SRSF8: variants seen among roughly 807,000 people sequenced by gnomAD.
SRSF8 encodes serine and arginine rich splicing factor 8.
SRSF8 carries 3 observed loss-of-function variants against 2.0 expected under a neutral mutation model. That is an observed-to-expected ratio of 1.47 (90% CI 0.67 to 3.79). SRSF8 has a LOEUF of 3.79. Among genes scored for constraint, SRSF8 ranks in the 30% most tolerant of loss-of-function variants. The probability of loss-of-function intolerance (pLI) is 0.02; values close to 1 mark genes in which losing one functional copy is unlikely to be tolerated. For missense variants in SRSF8, 408 were observed against 410.9 expected, an observed-to-expected ratio of 0.99 and a Z score of 0.06; for synonymous variants, 162 against 170.7, an observed-to-expected ratio of 0.95 and a Z score of 0.40.
rs10656146 is a variant in SRSF8, at chr11:95,070,381, A to AAAAAAAAAAAAAAAAAAAAAAAAAAAG, written c.*2309_*2310insAAAAAAAAAAAAAAAAAAAAAAAGAAA. 1 of 161,940 alleles carries AAAAAAAAAAAAAAAAAAAAAAAAAAAG rather than the reference A, an allele frequency of 6.2e-6. No individual in the cohort carries two copies. Among genetic ancestry groups the AAAAAAAAAAAAAAAAAAAAAAAAAAAG allele is most frequent in the African/African-American group, 2.5e-5 (1 of 40,736 alleles). The allele number at this position is 161,940 out of a possible 1,614,324, so 10.0% of individuals were successfully genotyped here. A position where few individuals can be genotyped will look rare whatever the true frequency, so the allele number is the denominator to read the frequency against. On this transcript the variant is annotated 3_prime_UTR_variant, in exon 1 of 1. Coordinates refer to ENST00000587424, the MANE Select transcript of SRSF8 (RefSeq NM_032102.4). ...AAAACTTCATCTCAAAAAAAAAAAAAAAAGAAAAAGGAAAAAAACAAACAA... is the reference window on the plus strand; with the variant it reads ...AAAACTTCATCTCAAAAAAAAAAAAAAAAAAAAAAAAAAAAAAAAAAAAAAAGAAAGAAAAAGGAAAAAAACAAACAA...
In SRSF8 at chr11:95,067,818, T is replaced by G. The variant is rs1555107195; in HGVS notation, c.592T>G (p.Ser198Ala). 1 of 1,613,964 alleles carries G rather than the reference T, an allele frequency of 6.2e-7. No individual in the cohort carries two copies. The highest frequency in any genetic ancestry group is 1.1e-5 in the South Asian group (1 of 91,078). ...SHYSSSGYSN[S>A]RYSRYHSSRS... ...CTACAGCTCATCTGGTTACAGTAAC[T>G]CTCGCTACAGCCGATATCACAGCAG... Residue 198 changes from serine to alanine, a missense_variant, in exon 1 of 1, where the codon TCT (serine) becomes GCT (alanine). Ser to Ala is a moderately conservative substitution (Grantham distance 99). Coordinates refer to ENST00000587424, the MANE Select transcript of SRSF8 (RefSeq NM_032102.4).
In SRSF8 at chr11:95,069,858, A is replaced by T. The variant is rs2074273690; in HGVS notation, c.*1783A>T. The stretch of plus-strand genomic sequence containing the variant: ...ATCGTAGTAGCCCCTCGCGTCCAGC[A>T]GGTGGCGAAGGGAGGTGAGGTATAT... On this transcript the variant is annotated 3_prime_UTR_variant, in exon 1 of 1. Transcript: ENST00000587424. 1 of 167,116 alleles carries T rather than the reference A, an allele frequency of 6.0e-6. No homozygotes were observed. Among genetic ancestry groups the T allele is most frequent in the African/African-American group, 2.4e-5 (1 of 41,458 alleles). The allele number at this position is 167,116 out of a possible 1,614,324, so 10.4% of individuals were successfully genotyped here.
At position 95,068,573 on chromosome 11, in the gene SRSF8, A is replaced by G. The variant is rs915942010; in HGVS notation, c.*498A>G. On this transcript the variant is annotated 3_prime_UTR_variant, in exon 1 of 1. Coordinates refer to ENST00000587424, the MANE Select transcript of SRSF8 (RefSeq NM_032102.4). ...AGGTCTAAAAGGTAGTGTGACCCAA[A>G]TTTGTATAAAGATTTTTCATGTGAA... 5.8e-6 allele frequency: 1 copy of G among 173,428 alleles called. No homozygotes were observed. Among genetic ancestry groups the G allele is most frequent in the Non-Finnish European group, 1.4e-5 (1 of 71,358 alleles). 10.7% of individuals were successfully genotyped at this position (173,428 alleles called of 1,614,324 possible).
Position 95,068,034 on chromosome 11 carries a change from C to A in SRSF8, c.808C>A (p.Pro270Thr). The change falls in exon 1 of 1, where the codon CCC becomes ACC. Residue 270 changes from proline to threonine, a missense_variant. Pro to Thr is a conservative substitution (Grantham distance 38). Coordinates refer to ENST00000587424, the MANE Select transcript of SRSF8 (RefSeq NM_032102.4). ...KSKSRSRSKR[P>T]PKSPEEEGQM... Reference sequence around the variant, plus strand: ...CAAGTCAAGGTCGCGATCCAAGAGGCCCCCCAAGTCTCCTGAAGAGGAAGG... The same window carrying A: ...CAAGTCAAGGTCGCGATCCAAGAGGACCCCCAAGTCTCCTGAAGAGGAAGG... 6.2e-7 allele frequency: 1 copy of A among 1,613,420 alleles called. No individual in the cohort carries two copies.
In SRSF8 at chr11:95,067,057, A is replaced by G. The variant is rs1282791567; in HGVS notation, c.-170A>G. The stretch of plus-strand genomic sequence containing the variant: ...TGGAGTATTTGGCCTGAAATTGGGA[A>G]CTCGGAAGTTGCTGCTCCAGGGCGC... On this transcript the variant is annotated 5_prime_UTR_variant, in exon 1 of 1. Transcript: ENST00000587424. The G allele has an allele frequency of 7.2e-6, 4 of 552,762 alleles. No homozygotes were observed. Among genetic ancestry groups the G allele is most frequent in the African/African-American group, 2.0e-5 (1 of 50,088 alleles). 34.2% of individuals were successfully genotyped at this position (552,762 alleles called of 1,614,324 possible).
chr11:95,067,567 A>G lies in SRSF8; in HGVS notation c.341A>G (p.Tyr114Cys). 1 of 1,542,504 alleles carries G rather than the reference A, an allele frequency of 6.5e-7. No homozygotes were observed. Among genetic ancestry groups the G allele is most frequent in the Non-Finnish European group, 8.7e-7 (1 of 1,144,772 alleles). ...CGCGGCAGGTCCAGAGGCGGCGGCT[A>G]CGGACGGCGGAGCCGCAGCTACGGG... Reference protein sequence around the residue: ...EPRGRSRGGGYGRRSRSYGRR... With the variant: ...EPRGRSRGGGCGRRSRSYGRR... Residue 114 changes from tyrosine (Y) to cysteine (C), a missense_variant, in exon 1 of 1, where the codon TAC (tyrosine) becomes TGC (cysteine). Transcript: ENST00000587424.
rs1372735396 is a variant in SRSF8 at position 95,067,457 on chromosome 11, G to T, written c.231G>T (p.Gly77=). Residue 77 remains glycine, a synonymous_variant, in exon 1 of 1, where the codon GGG becomes GGT. Coordinates refer to ENST00000587424, the MANE Select transcript of SRSF8 (RefSeq NM_032102.4). The part of the protein sequence containing the change: ...DAQDAEAAMD[G]AELDGRELRV... Reference sequence around the variant, plus strand: ...AAGACGCCGAGGCCGCCATGGACGGGGCGGAGCTGGACGGACGCGAGCTGC... The same window carrying T: ...AAGACGCCGAGGCCGCCATGGACGGTGCGGAGCTGGACGGACGCGAGCTGC... The T allele has an allele frequency of 6.5e-7, 1 of 1,538,544 alleles. No homozygotes were observed. The highest frequency in any genetic ancestry group is 1.4e-5 in the African/African-American group (1 of 70,496).
rs1858681391 is a variant in SRSF8, at chr11:95,068,021, G to A, written c.795G>A (p.Ser265=). The A allele has an allele frequency of 5.0e-6, 8 of 1,613,748 alleles. No individual in the cohort carries two copies. The highest frequency in any genetic ancestry group is 5.9e-6 in the Non-Finnish European group (7 of 1,179,804). Residue 265 remains serine (S), a synonymous_variant, in exon 1 of 1, where the codon TCG becomes TCA. Coordinates refer to ENST00000587424, the MANE Select transcript of SRSF8 (RefSeq NM_032102.4). ...RVSKRKSKSR[S]RSKRPPKSPE... The stretch of plus-strand genomic sequence containing the variant: ...CCAAGAGGAAATCCAAGTCAAGGTC[G>A]CGATCCAAGAGGCCCCCCAAGTCTC...
At position 95,068,818 on chromosome 11, in the gene SRSF8, T is replaced by C. The variant is rs1858693095; in HGVS notation, c.*743T>C. The stretch of plus-strand genomic sequence containing the variant: ...CCAGTTTATTAAAATGCCTGTCAAC[T>C]GCACTTCCAGTCACCCAGGCCTTGC... On this transcript the variant is annotated 3_prime_UTR_variant, in exon 1 of 1. Transcript: ENST00000587424. The C allele has an allele frequency of 6.0e-6, 1 of 167,208 alleles. No homozygotes were observed. The highest frequency in any genetic ancestry group is 2.4e-5 in the African/African-American group (1 of 41,452). The allele number at this position is 167,208 out of a possible 1,614,324, so 10.4% of individuals were successfully genotyped here.
In SRSF8 at chr11:95,067,629, C is replaced by G. The variant is rs369867520; in HGVS notation, c.403C>G (p.Arg135Gly). Residue 135 changes from arginine to glycine, a missense_variant, in exon 1 of 1, where the codon CGA (arginine) becomes GGA (glycine). By Grantham distance (125) the Arg-to-Gly change is moderately radical (BLOSUM62 -2). Coordinates refer to ENST00000587424, the MANE Select transcript of SRSF8 (RefSeq NM_032102.4). ...CAGCCCCAGGCGGCGACACCGCAGCCGATCCCGGGGTCCCAGCTGCTCCAG... is the reference window on the plus strand; with the variant it reads ...CAGCCCCAGGCGGCGACACCGCAGCGGATCCCGGGGTCCCAGCTGCTCCAG... Reference protein sequence around the residue: ...SRSPRRRHRSRSRGPSCSRSR... With the variant: ...SRSPRRRHRSGSRGPSCSRSR... 6 of 1,586,008 alleles carry G rather than the reference C, an allele frequency of 3.8e-6. No individual in the cohort carries two copies. Among genetic ancestry groups the G allele is most frequent in the South Asian group, 1.1e-5 (1 of 87,988 alleles).
Position 95,067,129 on chromosome 11 carries a change from C to G in SRSF8, c.-98C>G. On this transcript the variant is annotated 5_prime_UTR_variant, in exon 1 of 1. Transcript: ENST00000587424. ...CGCCTCTCCGCCCGGCCTTTCCCGG[C>G]GTCCCCACGCGGGGCGCAACCGCGA... 2 of 1,201,444 alleles carry G rather than the reference C, an allele frequency of 1.7e-6. No homozygotes were observed. The highest frequency in any genetic ancestry group is 2.2e-6 in the Non-Finnish European group (2 of 913,568). The allele number at this position is 1,201,444 out of a possible 1,614,324, so 74.4% of individuals were successfully genotyped here.
In SRSF8 at chr11:95,070,450, CA is replaced by C. The variant is rs1858722828; in HGVS notation, c.*2376del. On this transcript the variant is annotated 3_prime_UTR_variant, in exon 1 of 1. Coordinates refer to ENST00000587424, the MANE Select transcript of SRSF8 (RefSeq NM_032102.4). ...AGGAACAATTTTGGACCTGTTGGAG[CA>C]GAAATGTGTAGTTGTCATTGAAGGT... 6.0e-6 allele frequency: 1 copy of C among 166,294 alleles called. No homozygotes were observed. The highest frequency in any genetic ancestry group is 1.5e-5 in the Non-Finnish European group (1 of 68,052). 10.3% of individuals were successfully genotyped at this position (166,294 alleles called of 1,614,324 possible). A position where few individuals can be genotyped will look rare whatever the true frequency, so the allele number is the denominator to read the frequency against.
chr11:95,067,126 C>T lies in SRSF8; in HGVS notation c.-101C>T, dbSNP rs377295958. ...GCCCGCCTCTCCGCCCGGCCTTTCCCGGCGTCCCCACGCGGGGCGCAACCG... is the reference window on the plus strand; with the variant it reads ...GCCCGCCTCTCCGCCCGGCCTTTCCTGGCGTCCCCACGCGGGGCGCAACCG... On this transcript the variant is annotated 5_prime_UTR_variant, in exon 1 of 1. Coordinates refer to ENST00000587424, the MANE Select transcript of SRSF8 (RefSeq NM_032102.4). 9.4e-5 allele frequency: 113 copies of T among 1,197,612 alleles called. 1 individual carries two copies. In the South Asian group the frequency reaches 2.0e-3, roughly 22 times the overall value. The allele number at this position is 1,197,612 out of a possible 1,614,324, so 74.2% of individuals were successfully genotyped here.
At position 95,067,961 on chromosome 11, in the gene SRSF8, G is replaced by T; in HGVS notation, c.735G>T (p.Arg245Ser). 6.2e-7 allele frequency: 1 copy of T among 1,613,972 alleles called. No individual in the cohort carries two copies. Among genetic ancestry groups the T allele is most frequent in the Non-Finnish European group, 8.5e-7 (1 of 1,179,886 alleles). Residue 245 changes from arginine to serine, a missense_variant, in exon 1 of 1, where the codon AGG becomes AGT. Arg to Ser is a moderately radical substitution (Grantham distance 110). This residue lies in a region of SRSF8 where 346 missense variants were observed against 316.5 expected (regional missense o/e 1.09). Transcript: ENST00000587424. ...SSVSRSRSRS[R>S]SSSMTRSPPR... The stretch of plus-strand genomic sequence containing the variant: ...TCTCCAGGTCTCGCTCGCGGTCCAG[G>T]TCTTCATCTATGACCAGGAGTCCTC...
In SRSF8 at chr11:95,069,213, A is replaced by T. The variant is rs934436431; in HGVS notation, c.*1138A>T. The T allele has an allele frequency of 5.4e-5, 9 of 167,046 alleles. No homozygotes were observed. The highest frequency in any genetic ancestry group is 1.3e-4 in the Admixed American group (2 of 15,292). The allele number at this position is 167,046 out of a possible 1,614,324, so 10.3% of individuals were successfully genotyped here. On this transcript the variant is annotated 3_prime_UTR_variant, in exon 1 of 1. Coordinates refer to ENST00000587424, the MANE Select transcript of SRSF8 (RefSeq NM_032102.4). The stretch of plus-strand genomic sequence containing the variant: ...AAGTGTTTCTCAAAATATAATTTTT[A>T]AAAAATCCTTAATAGGCTTTTAGCT...
Position 95,067,351 on chromosome 11 carries a change from A to C in SRSF8, c.125A>C (p.Asp42Ala). 6.2e-7 allele frequency: 1 copy of C among 1,603,574 alleles called. No individual in the cohort carries two copies. Among genetic ancestry groups the C allele is most frequent in the Non-Finnish European group, 8.5e-7 (1 of 1,177,060 alleles). The change falls in exon 1 of 1, where the codon GAC becomes GCC. Residue 42 changes from aspartate to alanine, a missense_variant. Asp to Ala is a moderately radical substitution (Grantham distance 126). Around this residue, in one of 2 missense-constraint regions of SRSF8, gnomAD observed 62 missense variants for 94.4 expected, o/e 0.66. Transcript: ENST00000587424. ...TTCGAGAAGTACGGGCGCGTGGGCGACGTGTACATCCCGCGGGAGCCCCAC... is the reference window on the plus strand; with the variant it reads ...TTCGAGAAGTACGGGCGCGTGGGCGCCGTGTACATCCCGCGGGAGCCCCAC... ...RVFEKYGRVG[D>A]VYIPREPHTK... is the part of the protein sequence containing the mutation.
In SRSF8 at chr11:95,067,872, A is replaced by C. The variant is rs782481735; in HGVS notation, c.646A>C (p.Thr216Pro). Residue 216 changes from threonine to proline, a missense_variant, in exon 1 of 1, where the codon ACT becomes CCT. Thr to Pro is a conservative substitution (Grantham distance 38). Transcript: ENST00000587424. ...GTCTCACTCGAAGTCTGGGTCCTCC[A>C]CTAGCTCTCGCTCTGCATCAACCTC... ...SRSHSKSGSS[T>P]SSRSASTSKS... 5 of 1,613,978 alleles carry C rather than the reference A, an allele frequency of 3.1e-6. No homozygotes were observed. The Admixed American group carries it at 8.3e-5, about 27-fold the overall frequency.
chr11:95,067,098 GCCGCCCGCCTCT>G lies in SRSF8; in HGVS notation c.-121_-110del. Reference sequence around the variant, plus strand: ...TCCAGGGCGCTCCCTGCGGAGCTCCGCCGCCCGCCTCTCCGCCCGGCCTTTCCCGGCGTCCCC... The same window carrying G: ...TCCAGGGCGCTCCCTGCGGAGCTCCGCCGCCCGGCCTTTCCCGGCGTCCCC... On this transcript the variant is annotated 5_prime_UTR_variant, in exon 1 of 1. Coordinates refer to ENST00000587424, the MANE Select transcript of SRSF8 (RefSeq NM_032102.4). The G allele has an allele frequency of 1.0e-6, 1 of 959,362 alleles. No individual in the cohort carries two copies. Among genetic ancestry groups the G allele is most frequent in the Non-Finnish European group, 1.4e-6 (1 of 695,384 alleles). The allele number at this position is 959,362 out of a possible 1,614,324, so 59.4% of individuals were successfully genotyped here.
Position 95,068,230 on chromosome 11 carries a change from C to A in SRSF8, c.*155C>A. On this transcript the variant is annotated 3_prime_UTR_variant, in exon 1 of 1. Coordinates refer to ENST00000587424, the MANE Select transcript of SRSF8 (RefSeq NM_032102.4). ...TTTTTGCCAGTTTGAAGCTTTGCAT[C>A]AGGTGGCAAAATTCATTCTATGTGC... is the stretch of plus-strand genomic sequence containing the variant. 1.3e-6 allele frequency: 1 copy of A among 751,620 alleles called. No individual in the cohort carries two copies. Among genetic ancestry groups the A allele is most frequent in the Non-Finnish European group, 2.1e-6 (1 of 465,964 alleles). The allele number at this position is 751,620 out of a possible 1,614,324, so 46.6% of individuals were successfully genotyped here.
Sources: allele counts gnomAD v4.1 joint callset, GRCh38; gene constraint gnomAD v4.1.1; regional missense constraint gnomAD v4.1.1; transcripts MANE v1.5; gene names NCBI Gene and HGNC (gene_info 2026-07-23, HGNC 2026-07-21).